PLPP7: variants seen among roughly 807,000 people sequenced by gnomAD.
PLPP7 encodes the protein inactive phospholipid phosphatase 7.
PLPP7 carries 11 observed loss-of-function variants against 16.9 expected under a neutral mutation model. The ratio of observed to expected loss-of-function variants is 0.65; its 90% CI spans 0.41 to 1.08. The LOEUF (loss-of-function observed/expected upper bound fraction) is 1.08, where lower values mean the gene tolerates loss of function less well. PLPP7 is among the 50% of genes least tolerant of loss of function. The pLI is 0.00. For missense variants in PLPP7, 358 were observed against 397.1 expected (o/e 0.90, Z 0.84); for synonymous variants, 174 against 175.1 (o/e 0.99, Z 0.05).
intron 1 of PLPP7, among the ~76,000 whole-genome samples, chr9:131,307,551 C>CAAA (rs57469502): frequency 1.6e-3 from 99 of 60,556 alleles, no homozygotes; most frequent in African/African-American, 4.8e-3. Context: ...AACTCTGTCT[C>CAAA]AAAAAAAAAA....
At chr9:131,297,031 C>T (rs1835741555) in intron 1 of PLPP7, among the ~76,000 whole-genome samples, 1 of 152,220 alleles carries the variant, frequency 6.6e-6, no homozygotes, top group Non-Finnish European at 1.5e-5. Context: ...GGGGTTCCCT[C>T]CCCAGCCTCC....
At chr9:131,307,467 G>A (rs538531276) in intron 1 of PLPP7, among the ~76,000 whole-genome samples, 4 of 143,692 alleles carry the variant, frequency 2.8e-5, no homozygotes, top group South Asian at 2.2e-4. Flanking sequence ...CAGGAGAATC[G>A]CTTGAATCCG....
chr9:131,301,025 G>T (rs1370674409), intron 1 of PLPP7, among the ~76,000 whole-genome samples: 2 of 152,156 alleles, frequency 1.3e-5, no homozygotes, highest in African/African-American at 4.8e-5. Flanking sequence ...TTGGAATGCA[G>T]TGGTGCCATC....
Position 131,295,013 on chromosome 9 carries a change from G to A in PLPP7, c.451+4565G>A, listed in dbSNP as rs1450752101. On this transcript the variant is annotated intron_variant, in intron 1 of 1. Transcript: ENST00000372264. This position sits in a 1 kb window ranked among gnomAD's most constrained non-coding sequence, Gnocchi z 4.0. Reference sequence around the variant, plus strand: ...TGTCTCCAGGCTGGAGTGCAGTGGTGTGATCTTGGCTCACTGGCATGAACC... The same window carrying A: ...TGTCTCCAGGCTGGAGTGCAGTGGTATGATCTTGGCTCACTGGCATGAACC... Among the ~76,000 whole-genome samples, 8 of 150,176 alleles carry A rather than the reference G, an allele frequency of 5.3e-5. No homozygotes were observed. The highest frequency in any genetic ancestry group is 4.3e-4 in the South Asian group (2 of 4,650).
At chr9:131,299,419 C>G (rs1037139666) in intron 1 of PLPP7, among the ~76,000 whole-genome samples, 1 of 151,654 alleles carries the variant, frequency 6.6e-6, no homozygotes, top group African/African-American at 2.4e-5. Flanking sequence ...GTGATGGTGC[C>G]GTTTGCTTCT....
At chr9:131,298,867 G>A (rs1159278751) in intron 1 of PLPP7, among the ~76,000 whole-genome samples, 1 of 152,184 alleles carries the variant, frequency 6.6e-6, no homozygotes, top group Non-Finnish European at 1.5e-5. Flanking sequence ...CTGAGGGCCG[G>A]GAAGCCTCCA....
chr9:131,302,654 G>A lies in PLPP7; in HGVS notation c.452-5269G>A, dbSNP rs181483552. On this transcript the variant is annotated intron_variant, in intron 1 of 1. Coordinates refer to ENST00000372264, the MANE Select transcript of PLPP7 (RefSeq NM_032728.4). The stretch of plus-strand genomic sequence containing the variant: ...GGTTTTCTCGAGGCCTTCAGGCCCC[G>A]CCCTCCTTGGGCCAGCCAGCTCCTC... Among the ~76,000 whole-genome samples the A allele has an allele frequency of 3.9e-5, 6 of 152,270 alleles. No homozygotes were observed. The East Asian group carries it at 5.8e-4, about 15-fold the overall frequency.
chr9:131,308,112 T>C lies in PLPP7; in HGVS notation c.641T>C (p.Leu214Pro). 2 of 1,601,348 alleles carry C rather than the reference T, an allele frequency of 1.2e-6. No homozygotes were observed. Among genetic ancestry groups the C allele is most frequent in the Non-Finnish European group, 1.7e-6 (2 of 1,179,790 alleles). Residue 214 changes from leucine (L) to proline (P), a missense_variant, in exon 2 of 2, where the codon CTG becomes CCG. Coordinates refer to ENST00000372264, the MANE Select transcript of PLPP7 (RefSeq NM_032728.4). Reference protein sequence around the residue: ...FLSHLVLAVPLRVLLVLWALC... With the variant: ...FLSHLVLAVPPRVLLVLWALC... ...AGCCACCTGGTGCTGGCGGTGCCCC[T>C]GCGTGTGCTGCTGGTGCTCTGGGCC...
At chr9:131,291,102 G>A in intron 1 of PLPP7, 2 of 1,366,530 alleles carry the variant, frequency 1.5e-6, no homozygotes, top group Non-Finnish European at 2.0e-6. Context: ...TGCCACCAAT[G>A]TCTTGCAGAT....
chr9:131,292,841 A>G (rs1835695421), intron 1 of PLPP7: 6 of 985,272 alleles, frequency 6.1e-6, no homozygotes, highest in African/African-American at 1.7e-5. Context: ...AAAATTTGCA[A>G]CCTACTTGTT....
intron 1 of PLPP7, among the ~76,000 whole-genome samples, chr9:131,293,758 T>C (rs1245182271): frequency 6.6e-6 from 1 of 152,154 alleles, no homozygotes; most frequent in Non-Finnish European, 1.5e-5. Context: ...ATCTGGGGGC[T>C]GAGGGGGATG....
At chr9:131,292,547 G>A (rs770966314) in intron 1 of PLPP7, among the ~76,000 whole-genome samples, 5 of 152,200 alleles carry the variant, frequency 3.3e-5, no homozygotes, top group Non-Finnish European at 5.9e-5. Flanking sequence ...GGAGCCAGGA[G>A]CAGAACCAGG....
rs752753459 is a variant in PLPP7, at chr9:131,290,084, C to A, written c.87C>A (p.Pro29=). The change falls in exon 1 of 2, where the codon CCC becomes CCA. Residue 29 remains proline, a synonymous_variant. Coordinates refer to ENST00000372264, the MANE Select transcript of PLPP7 (RefSeq NM_032728.4). The surrounding 1 kb of genome is among the most constrained non-coding windows in gnomAD (Gnocchi z 4.2). ...AGTTCCTGTCCCTGAACCAGCCCCCCAAGGGGGGCCCGGAGCCCCGCAGCT... is the reference window on the plus strand; with the variant it reads ...AGTTCCTGTCCCTGAACCAGCCCCCAAAGGGGGGCCCGGAGCCCCGCAGCT... ...RAEFLSLNQP[P]KGGPEPRSSG... is the part of the protein sequence containing the mutation. The A allele has an allele frequency of 1.3e-6, 2 of 1,510,596 alleles. No homozygotes were observed. The highest frequency in any genetic ancestry group is 4.8e-5 in the East Asian group (2 of 41,378). The allele number at this position is 1,510,596 out of a possible 1,614,324, so 93.6% of individuals were successfully genotyped here. A position where few individuals can be genotyped will look rare whatever the true frequency, so the allele number is the denominator to read the frequency against.
chr9:131,290,349 A>G lies in PLPP7; in HGVS notation c.352A>G (p.Ile118Val), dbSNP rs1361417321. The G allele has an allele frequency of 6.2e-7, 1 of 1,610,114 alleles. No homozygotes were observed. Among genetic ancestry groups the G allele is most frequent in the Non-Finnish European group, 8.5e-7 (1 of 1,178,532 alleles). ...SARSMVKLIG[I>V]TGHGIPWIGG... ...CCGCTCCATGGTCAAGCTCATCGGC[A>G]TCACGGGCCACGGCATCCCCTGGAT... Residue 118 changes from isoleucine (I) to valine (V), a missense_variant, in exon 1 of 2, where the codon ATC (isoleucine) becomes GTC (valine). By Grantham distance (29) the Ile-to-Val change is conservative (BLOSUM62 3). Transcript: ENST00000372264. The surrounding 1 kb of genome is among the most constrained non-coding windows in gnomAD (Gnocchi z 4.2).
chr9:131,291,118 C>T, intron 1 of PLPP7: 1 of 1,366,558 alleles, frequency 7.3e-7, no homozygotes, highest in Non-Finnish European at 9.8e-7. Context: ...CAGATTAGCA[C>T]CGCCCTGTGC....
chr9:131,301,233 T>C (rs1442115490), intron 1 of PLPP7, among the ~76,000 whole-genome samples: 2 of 152,012 alleles, frequency 1.3e-5, no homozygotes, highest in Non-Finnish European at 2.9e-5. Flanking sequence ...CCTCCCAGAG[T>C]GCTGGGCTTA....
Position 131,291,211 on chromosome 9 carries a change from C to G in PLPP7, c.451+763C>G, listed in dbSNP as rs562923675. ...CCCAGCCCCCGTCCGGCCCACCCTT[C>G]GGGCACCACCAGGTCCCCAAGGTGC... On this transcript the variant is annotated intron_variant, in intron 1 of 1. Coordinates refer to ENST00000372264, the MANE Select transcript of PLPP7 (RefSeq NM_032728.4). 7.4e-6 allele frequency: 10 copies of G among 1,356,394 alleles called. No individual in the cohort carries two copies. In the African/African-American group the frequency reaches 1.3e-4, roughly 18 times the overall value. 84.0% of individuals were successfully genotyped at this position (1,356,394 alleles called of 1,614,324 possible). A position where few individuals can be genotyped will look rare whatever the true frequency, so the allele number is the denominator to read the frequency against.
Position 131,307,933 on chromosome 9 carries a change from G to C in PLPP7, c.462G>C (p.Leu154=). The C allele has an allele frequency of 6.3e-7, 1 of 1,588,004 alleles. No homozygotes were observed. The highest frequency in any genetic ancestry group is 8.5e-7 in the Non-Finnish European group (1 of 1,172,388). ...GTCTCCCCCCAACAGCCCTGCTCCTGGACATCATGACGGTGGCCGGCGTGC... is the reference window on the plus strand; with the variant it reads ...GTCTCCCCCCAACAGCCCTGCTCCTCGACATCATGACGGTGGCCGGCGTGC... ...VLMNLLLALL[L]DIMTVAGVQK... is the part of the protein sequence containing the mutation. Residue 154 remains leucine, a synonymous_variant, in exon 2 of 2, where the codon CTG becomes CTC. Coordinates refer to ENST00000372264, the MANE Select transcript of PLPP7 (RefSeq NM_032728.4).
At chr9:131,291,392 G>A in intron 1 of PLPP7, 7 of 1,168,336 alleles carry the variant, frequency 6.0e-6, no homozygotes, top group Non-Finnish European at 7.5e-6. Flanking sequence ...TTGGACCACG[G>A]AGAACATCAG....
Sources: gnomAD v4.1 joint callset for allele counts (sites outside exome capture counted in the v4.1 genomes callset) on GRCh38, gnomAD v4.1.1 for gene constraint, Gnocchi (gnomAD v3.1) non-coding constraint, MANE v1.5 for transcripts, NCBI Gene and HGNC (gene_info 2026-07-23, HGNC 2026-07-21) for gene names.